CUX1: variants seen among roughly 807,000 people sequenced by gnomAD.
CUX1 encodes the protein cut like homeobox 1.
In CUX1, 31 loss-of-function variants were observed where a neutral mutation model predicts 158.8. The ratio of observed to expected loss-of-function variants is 0.20; its 90% CI spans 0.15 to 0.26. The LOEUF (loss-of-function observed/expected upper bound fraction) is 0.26, where lower values mean the gene tolerates loss of function less well. Ranked by LOEUF, CUX1 falls within the 10% of genes least tolerant of loss-of-function variation. The pLI is 1.00. For synonymous variants in CUX1, 879 were observed against 862.1 expected, an observed-to-expected ratio of 1.02 and a Z score of -0.34; for missense variants, 1,589 against 2,014.6, an observed-to-expected ratio of 0.79 and a Z score of 4.04.
At chr7:102,106,079 C>CT (rs782580660) in intron 6 of CUX1, among the ~76,000 whole-genome samples, 1,312 of 72,300 alleles carry the variant, frequency 0.018, 119 homozygotes, top group East Asian at 0.027. Flanking sequence ...TTTCTTTTTT[C>CT]TTTTTTTTTT....
intron 8 of CUX1, among the ~76,000 whole-genome samples, chr7:102,157,653 G>A (rs577603111): frequency 2.0e-5 from 3 of 152,240 alleles, no homozygotes; most frequent in African/African-American, 2.4e-5. Flanking sequence ...GGTGGTGCAC[G>A]CCTGTAGTCT....
Position 102,090,510 on chromosome 7 carries a change from C to A in CUX1, c.269-6854C>A, listed in dbSNP as rs1434353224. On this transcript the variant is annotated intron_variant, in intron 4 of 23. Coordinates refer to ENST00000292535, the MANE Select transcript of CUX1 (RefSeq NM_181552.4). The stretch of plus-strand genomic sequence containing the variant: ...TCATGCCATTCTCCTGCCTCAGCCT[C>A]CCGAGTAGCTGGGACTACAGGAGCC... 4.6e-5 allele frequency among the ~76,000 whole-genome samples: 7 copies of A among 151,960 alleles called. No individual in the cohort carries two copies. In the South Asian group the frequency reaches 1.0e-3, roughly 23 times the overall value.
At chr7:102,259,541 T>C (rs563789093), downstream of CUX1, among the ~76,000 whole-genome samples, 1 of 152,166 alleles carries the variant, frequency 6.6e-6, no homozygotes, top group African/African-American at 2.4e-5. Flanking sequence ...TGAGCCGAGA[T>C]TGTGCCACTG....
chr7:102,264,325 A>G (rs1790647113), intron 14 of CUX1, among the ~76,000 whole-genome samples: 1 of 152,186 alleles, frequency 6.6e-6, no homozygotes, highest in Admixed American at 6.5e-5. Context: ...ACTTCTAAAC[A>G]GTACTGGCAG....
rs112830997 is a variant in CUX1 at position 102,218,157 on chromosome 7, G to A, written c.3131-9210G>A. 3.8e-3 allele frequency among the ~76,000 whole-genome samples: 586 copies of A among 152,292 alleles called. 2 individuals carry two copies. Among genetic ancestry groups the A allele is most frequent in the Non-Finnish European group, 6.3e-3 (430 of 68,022 alleles). On this transcript the variant is annotated intron_variant, in intron 20 of 23. Transcript: ENST00000292535. Reference sequence around the variant, plus strand: ...CACTGCTCTCCCCAGAAACACCCTCGTCCCAGACTCTTTGTTTGAGTGACC... The same window carrying A: ...CACTGCTCTCCCCAGAAACACCCTCATCCCAGACTCTTTGTTTGAGTGACC...
intron 4 of CUX1, among the ~76,000 whole-genome samples, chr7:102,085,650 A>G (rs890602250): frequency 1.3e-5 from 2 of 152,240 alleles, no homozygotes; most frequent in South Asian, 2.1e-4. Context: ...TTCCTTTACA[A>G]ATTACCCAGT....
intron 14 of CUX1, among the ~76,000 whole-genome samples, chr7:102,269,724 CCA>C (rs1791079642): frequency 6.6e-6 from 1 of 152,126 alleles, no homozygotes; most frequent in Non-Finnish European, 1.5e-5. Context: ...ACGCCCACCC[CCA>C]CAGTCTTAAC....
rs377542184 is a variant in CUX1, at chr7:102,028,059, C to A, written c.142-39C>A. The A allele has an allele frequency of 9.3e-6, 15 of 1,610,400 alleles. No individual in the cohort carries two copies. The African/African-American group carries it at 2.0e-4, about 22-fold the overall frequency. On this transcript the variant is annotated intron_variant, in intron 2 of 23. Coordinates refer to ENST00000292535, the MANE Select transcript of CUX1 (RefSeq NM_181552.4). The stretch of plus-strand genomic sequence containing the variant: ...ACCAATGTTTCCCTTCTTTCTCCTT[C>A]TCAAATGGCTGCTTCCTGACCTCCG...
intron 23 of CUX1, 121 bp downstream of exon 23, chr7:102,239,705 T>G: frequency 1.7e-6 from 2 of 1,160,578 alleles, no homozygotes. Flanking sequence ...GGGAGCTCGG[T>G]GATTGGTCCG....
At chr7:101,866,282 C>T (rs184556528) in intron 1 of CUX1, among the ~76,000 whole-genome samples, 193 of 150,430 alleles carry the variant, frequency 1.3e-3, no homozygotes, top group Admixed American at 2.1e-3. Flanking sequence ...GCCAACATGG[C>T]GACACCCCAT....
chr7:102,121,348 GTTTTT>G (rs3216525), intron 8 of CUX1, among the ~76,000 whole-genome samples: 18 of 131,664 alleles, frequency 1.4e-4, no homozygotes, highest in Admixed American at 1.5e-4. Context: ...TTGCTTTTTG[GTTTTT>G]TTTTTTTTTG....
chr7:102,049,841 TAGG>T (rs1303229645), intron 3 of CUX1, among the ~76,000 whole-genome samples: 1 of 152,108 alleles, frequency 6.6e-6, no homozygotes, highest in Admixed American at 6.5e-5. Flanking sequence ...TTTGGGGACT[TAGG>T]AGAGCAAGTC....
At chr7:102,116,016 G>A (rs1253901902) in intron 8 of CUX1, among the ~76,000 whole-genome samples, 5 of 152,042 alleles carry the variant, frequency 3.3e-5, no homozygotes, top group African/African-American at 4.8e-5. Context: ...AAACACACAC[G>A]CGTGCTTACT....
chr7:101,881,641 C>T (rs914724350), intron 1 of CUX1, among the ~76,000 whole-genome samples: 1 of 152,156 alleles, frequency 6.6e-6, no homozygotes, highest in Non-Finnish European at 1.5e-5. Context: ...TTTCTGACGC[C>T]ACCGATTTGT....
intron 1 of CUX1, among the ~76,000 whole-genome samples, chr7:101,827,069 G>A (rs752650616): frequency 4.6e-5 from 7 of 152,016 alleles, no homozygotes; most frequent in Admixed American, 1.3e-4. Flanking sequence ...AGTAACATAA[G>A]TGTTACTTTT....
chr7:102,090,376 T>G (rs376533343), intron 4 of CUX1, among the ~76,000 whole-genome samples: 11 of 152,042 alleles, frequency 7.2e-5, no homozygotes, highest in South Asian at 2.1e-4. Flanking sequence ...CGTTTTTTTT[T>G]TTGTTTTTTT....
chr7:102,265,966 G>A (rs1554544961), intron 14 of CUX1, among the ~76,000 whole-genome samples: 1 of 152,178 alleles, frequency 6.6e-6, no homozygotes, highest in Non-Finnish European at 1.5e-5. Flanking sequence ...CACTTTGGGA[G>A]GCCGAGGTGG....
intron 20 of CUX1, among the ~76,000 whole-genome samples, chr7:102,221,310 T>TA (rs1315121795): frequency 2.5e-4 from 38 of 152,368 alleles, no homozygotes; most frequent in African/African-American, 8.7e-4. Flanking sequence ...ATGCCAGCAG[T>TA]AAAAATGTCA....
intron 20 of CUX1, among the ~76,000 whole-genome samples, chr7:102,225,835 T>C (rs1033922048): frequency 1.8e-4 from 28 of 152,008 alleles, no homozygotes; most frequent in African/African-American, 6.8e-4. Flanking sequence ...CAAAAAAAAA[T>C]TTTACAAGAC....
Sources: allele counts gnomAD v4.1 joint callset (sites outside exome capture counted in the v4.1 genomes callset), GRCh38; gene constraint gnomAD v4.1.1; transcripts MANE v1.5; gene names NCBI Gene and HGNC (gene_info 2026-07-23, HGNC 2026-07-21).